SYT1: variants seen among roughly 807,000 people sequenced by gnomAD.
SYT1 encodes synaptotagmin-1.
SYT1 carries 8 observed loss-of-function variants against 44.8 expected under a neutral mutation model. The observed-to-expected ratio is 0.18, with a 90% CI of 0.10 to 0.32. The LOEUF is 0.32. Ranked by LOEUF, SYT1 falls within the 10% of genes least tolerant of loss-of-function variation. The probability of loss-of-function intolerance (pLI) is 1.00; values close to 1 mark genes in which losing one functional copy is unlikely to be tolerated. For synonymous variants in SYT1, 154 were observed against 188.8 expected, an observed-to-expected ratio of 0.82 and a Z score of 1.51; for missense variants, 286 against 509.3, an observed-to-expected ratio of 0.56 and a Z score of 4.22.
intron 3 of SYT1, among the ~76,000 whole-genome samples, chr12:79,116,461 T>G (rs952907786): frequency 2.6e-5 from 4 of 152,152 alleles, no homozygotes; most frequent in Admixed American, 1.3e-4. Flanking sequence ...TGACTTAGGA[T>G]CCACACAAAT....
chr12:79,337,277 C>T (rs1379360136), intron 8 of SYT1, among the ~76,000 whole-genome samples: 3 of 152,172 alleles, frequency 2.0e-5, no homozygotes, highest in African/African-American at 7.2e-5. Flanking sequence ...CCCCACAGCT[C>T]CTCTTTTATG....
At chr12:78,885,620 T>C (rs1198853565) in intron 1 of SYT1, among the ~76,000 whole-genome samples, 1 of 152,040 alleles carries the variant, frequency 6.6e-6, no homozygotes, top group Non-Finnish European at 1.5e-5. Context: ...TGCCTGGTGA[T>C]TTCAAAGAAA....
chr12:78,923,866 T>C (rs1295019859), intron 1 of SYT1, among the ~76,000 whole-genome samples: 1 of 151,960 alleles, frequency 6.6e-6, no homozygotes, highest in Non-Finnish European at 1.5e-5. Context: ...GTCTTAATAC[T>C]ATTATCTAAT....
chr12:79,431,252 G>T (rs1392637250), intron 9 of SYT1, among the ~76,000 whole-genome samples: 2 of 152,114 alleles, frequency 1.3e-5, no homozygotes, highest in Admixed American at 6.5e-5. Context: ...TTCTATATAA[G>T]AAATTTAACT....
intron 8 of SYT1, among the ~76,000 whole-genome samples, chr12:79,349,033 A>G (rs924209285): frequency 6.1e-4 from 73 of 120,276 alleles, no homozygotes; most frequent in Middle Eastern, 8.5e-3. Context: ...GAAAGAAAGA[A>G]AAAGAAAGAA....
intron 4 of SYT1, among the ~76,000 whole-genome samples, chr12:79,236,718 G>A (rs1298505983): frequency 6.6e-6 from 1 of 152,160 alleles, no homozygotes; most frequent in Non-Finnish European, 1.5e-5. Context: ...AAATGTTTGT[G>A]TCATGGATAA....
At chr12:79,304,167 C>T (rs1451170085) in intron 8 of SYT1, among the ~76,000 whole-genome samples, 1 of 152,206 alleles carries the variant, frequency 6.6e-6, no homozygotes, top group African/African-American at 2.4e-5. Flanking sequence ...GCAACCATGT[C>T]TATGGTTCCT....
intron 3 of SYT1, among the ~76,000 whole-genome samples, chr12:79,108,829 TC>T (rs1412406342): frequency 6.6e-6 from 1 of 152,222 alleles, no homozygotes; most frequent in African/African-American, 2.4e-5. Flanking sequence ...TCAATTTCTC[TC>T]CCCAGTAAGT....
At chr12:78,943,877 T>G (rs1462205084) in intron 1 of SYT1, among the ~76,000 whole-genome samples, 2 of 152,246 alleles carry the variant, frequency 1.3e-5, no homozygotes, top group Non-Finnish European at 2.9e-5. Flanking sequence ...TACTCACCAT[T>G]GACAAGACTG....
chr12:79,320,004 T>G (rs1259017404), intron 8 of SYT1, among the ~76,000 whole-genome samples: 1 of 152,224 alleles, frequency 6.6e-6, no homozygotes, highest in Non-Finnish European at 1.5e-5. Context: ...CTTGAATATA[T>G]GAGAAATGTC....
chr12:79,085,569 G>C (rs1378057963), intron 3 of SYT1, among the ~76,000 whole-genome samples: 2 of 151,966 alleles, frequency 1.3e-5, no homozygotes, highest in Non-Finnish European at 1.5e-5. Flanking sequence ...ACCTTTCTTT[G>C]GGCTCACAAT....
At chr12:78,983,088 G>GTT (rs202237863) in intron 2 of SYT1, among the ~76,000 whole-genome samples, 26 of 146,956 alleles carry the variant, frequency 1.8e-4, no homozygotes, top group East Asian at 6.0e-4. Flanking sequence ...CTTCTTCCAA[G>GTT]TTTTTTTTTT....
intron 8 of SYT1, among the ~76,000 whole-genome samples, chr12:79,324,202 G>A (rs533075940): frequency 3.3e-5 from 5 of 151,950 alleles, no homozygotes; most frequent in African/African-American, 7.2e-5. Context: ...TGCCTGCCTC[G>A]GCCTCCCAAA....
intron 3 of SYT1, among the ~76,000 whole-genome samples, chr12:79,086,094 G>C (rs1223333778): frequency 1.3e-5 from 2 of 152,070 alleles, no homozygotes; most frequent in Non-Finnish European, 2.9e-5. Flanking sequence ...TATTAATTAA[G>C]ATAATTCATG....
intron 3 of SYT1, among the ~76,000 whole-genome samples, chr12:79,210,988 A>G (rs988920165): frequency 2.0e-5 from 3 of 150,634 alleles, no homozygotes; most frequent in African/African-American, 7.3e-5. Flanking sequence ...CTTCTGCAAG[A>G]TCCAGTTTTC....
chr12:79,143,438 GA>G (rs1849427443), intron 3 of SYT1, among the ~76,000 whole-genome samples: 2 of 152,110 alleles, frequency 1.3e-5, no homozygotes, highest in East Asian at 1.9e-4. Flanking sequence ...TGGCATAGAA[GA>G]AAAAAAGATT....
intron 4 of SYT1, among the ~76,000 whole-genome samples, chr12:79,249,768 T>C (rs1877086547): frequency 6.6e-6 from 1 of 152,174 alleles, no homozygotes; most frequent in Non-Finnish European, 1.5e-5. Flanking sequence ...TCACCATTCC[T>C]GGAGAAATGG....
chr12:79,152,329 G>A (rs1477420453), intron 3 of SYT1, among the ~76,000 whole-genome samples: 1 of 152,100 alleles, frequency 6.6e-6, no homozygotes, highest in African/African-American at 2.4e-5. Context: ...TTAGGACATA[G>A]GAAGTTGGCA....
intron 3 of SYT1, among the ~76,000 whole-genome samples, chr12:79,200,411 T>G (rs569498061): frequency 6.6e-6 from 1 of 152,196 alleles, no homozygotes; most frequent in Admixed American, 6.5e-5. Flanking sequence ...TGGCTCCAGT[T>G]CACATAGAGG....
Sources: gnomAD v4.1 joint callset for allele counts (sites outside exome capture counted in the v4.1 genomes callset) on GRCh38, gnomAD v4.1.1 for gene constraint, MANE v1.5 for transcripts, NCBI Gene and HGNC (gene_info 2026-07-23, HGNC 2026-07-21) for gene names.